The following GSK3B variants were observed in gnomAD, a reference collection of about 807,000 sequenced individuals.
The protein encoded by GSK3B is glycogen synthase kinase 3 beta, also known as glycogen synthase kinase-3 beta.
In GSK3B, 15 loss-of-function variants were observed where a neutral mutation model predicts 56.4. That is an observed-to-expected ratio of 0.27 (90% CI 0.18 to 0.41). GSK3B has a LOEUF of 0.41. GSK3B is among the 10% of genes least tolerant of loss of function. The probability of loss-of-function intolerance (pLI) is 1.00; values close to 1 mark genes in which losing one functional copy is unlikely to be tolerated. For missense variants in GSK3B, 300 were observed against 513.4 expected (o/e 0.58, Z 4.02); for synonymous variants, 181 against 188.9 (o/e 0.96, Z 0.34).
rs910480004 is a variant in GSK3B, at chr3:120,030,202, G to A, written c.89-27963C>T. The stretch of plus-strand genomic sequence containing the variant: ...GTTCCTTCCCTATCAGCTTCTAAAC[G>A]TTGGGGTTCTTCTAGGCTTGGTCCT... On this transcript the variant is annotated intron_variant, in intron 1 of 10. Transcript: ENST00000264235. Among the ~76,000 whole-genome samples the A allele has an allele frequency of 7.2e-5, 11 of 152,090 alleles. 1 individual carries two copies. The highest frequency in any genetic ancestry group is 1.0e-4 in the Non-Finnish European group (7 of 68,024).
intron 2 of GSK3B, among the ~76,000 whole-genome samples, chr3:120,000,449 G>T (rs1170801252): frequency 6.6e-6 from 1 of 152,174 alleles, no homozygotes; most frequent in Non-Finnish European, 1.5e-5. Flanking sequence ...AAATTCTTTA[G>T]AATGTTCCAG....
At chr3:120,002,790 T>C (rs778871666) in intron 1 of GSK3B, among the ~76,000 whole-genome samples, 7 of 152,204 alleles carry the variant, frequency 4.6e-5, no homozygotes, top group African/African-American at 1.7e-4. Context: ...CCCCATGAGG[T>C]AGACAGTACT....
chr3:119,988,720 C>A (rs966438064), intron 2 of GSK3B, among the ~76,000 whole-genome samples: 2 of 152,088 alleles, frequency 1.3e-5, no homozygotes, highest in African/African-American at 4.8e-5. Context: ...TTTGATAGTA[C>A]AAATCCAGGG....
At chr3:119,965,926 A>G (rs1382062464) in intron 2 of GSK3B, among the ~76,000 whole-genome samples, 2 of 152,228 alleles carry the variant, frequency 1.3e-5, no homozygotes, top group East Asian at 3.8e-4. Flanking sequence ...ATAAACAGTT[A>G]CTATGTTTAT....
At chr3:119,975,214 A>G (rs1299683335) in intron 2 of GSK3B, among the ~76,000 whole-genome samples, 1 of 152,216 alleles carries the variant, frequency 6.6e-6, no homozygotes. Context: ...TGGAAGGCCG[A>G]GGCAGGTGGA....
chr3:119,847,910 C>T lies in GSK3B; in HGVS notation c.1097-4557G>A, dbSNP rs78490565. Among the ~76,000 whole-genome samples the T allele has an allele frequency of 2.6e-3, 395 of 152,242 alleles. 2 individuals carry two copies. The highest frequency in any genetic ancestry group is 4.4e-3 in the Admixed American group (67 of 15,284). On this transcript the variant is annotated intron_variant, in intron 9 of 10. Transcript: ENST00000264235. ...CAACTGGATGTACTGACCAACCTATCCAACTGTTTATGAGCCAATGGCAGA... is the reference window on the plus strand; with the variant it reads ...CAACTGGATGTACTGACCAACCTATTCAACTGTTTATGAGCCAATGGCAGA...
intron 5 of GSK3B, 42 bp downstream of exon 5, chr3:119,916,002 G>A (rs199721887): frequency 2.9e-6 from 4 of 1,400,296 alleles, no homozygotes; most frequent in Admixed American, 1.8e-5. Flanking sequence ...GTAGGGGGAG[G>A]AGGGGAAAAG....
chr3:119,909,140 T>G (rs774664998), intron 6 of GSK3B, among the ~76,000 whole-genome samples: 4 of 152,122 alleles, frequency 2.6e-5, no homozygotes, highest in Non-Finnish European at 4.4e-5. Flanking sequence ...CACCTCATCC[T>G]CCCAAGTAGC....
intron 7 of GSK3B, among the ~76,000 whole-genome samples, chr3:119,888,339 A>T (rs189643987): frequency 1.5e-3 from 232 of 152,322 alleles, no homozygotes; most frequent in Middle Eastern, 3.4e-3. Flanking sequence ...GACATTTATC[A>T]GTTCCCAAAT....
chr3:119,830,054 A>C (rs1030743150), intron 10 of GSK3B, among the ~76,000 whole-genome samples: 2 of 152,236 alleles, frequency 1.3e-5, no homozygotes, highest in Non-Finnish European at 2.9e-5. Flanking sequence ...CAAAGTACAG[A>C]GAGGGAAAAA....
At chr3:119,986,664 G>A (rs555061664) in intron 2 of GSK3B, among the ~76,000 whole-genome samples, 24 of 152,204 alleles carry the variant, frequency 1.6e-4, no homozygotes, top group African/African-American at 3.9e-4. Context: ...AATGGCGGTC[G>A]TTAAAAAGTC....
Position 119,954,146 on chromosome 3 carries a change from C to T in GSK3B, c.283-6795G>A, listed in dbSNP as rs577534203. On this transcript the variant is annotated intron_variant, in intron 2 of 10. Coordinates refer to ENST00000264235, the MANE Select transcript of GSK3B (RefSeq NM_001146156.2). Reference sequence around the variant, plus strand: ...AGTAATTTCCCAGCTTCTGTAATTTCTTCTACTTTCCAACTTGGTGTTATT... The same window carrying T: ...AGTAATTTCCCAGCTTCTGTAATTTTTTCTACTTTCCAACTTGGTGTTATT... Among the ~76,000 whole-genome samples the T allele has an allele frequency of 6.6e-5, 10 of 152,152 alleles. No individual in the cohort carries two copies. The South Asian group carries it at 2.1e-3, about 32-fold the overall frequency.
intron 10 of GSK3B, among the ~76,000 whole-genome samples, chr3:119,832,694 A>G (rs2055622450): frequency 6.6e-6 from 1 of 152,242 alleles, no homozygotes; most frequent in Admixed American, 6.5e-5. Context: ...TGAAAAGTCT[A>G]TGGCTCTATG....
chr3:119,849,358 G>A (rs1056767959), intron 9 of GSK3B, among the ~76,000 whole-genome samples: 4 of 152,134 alleles, frequency 2.6e-5, no homozygotes, highest in Non-Finnish European at 4.4e-5. Context: ...GGCAAGAAAG[G>A]CAACCACTTA....
Position 119,920,071 on chromosome 3 carries a change from C to T in GSK3B, c.477+3302G>A, listed in dbSNP as rs967657060. On this transcript the variant is annotated intron_variant, in intron 4 of 10. Transcript: ENST00000264235. Reference sequence around the variant, plus strand: ...AGAGCAGAGGGAACAGAGATAAAAGCTGAACTTCTTTGAACATACCTTGTT... The same window carrying T: ...AGAGCAGAGGGAACAGAGATAAAAGTTGAACTTCTTTGAACATACCTTGTT... Among the ~76,000 whole-genome samples, 9 of 152,126 alleles carry T rather than the reference C, an allele frequency of 5.9e-5. No homozygotes were observed. In the East Asian group the frequency reaches 1.5e-3, roughly 26 times the overall value.
chr3:120,001,001 T>C (rs569712443), intron 2 of GSK3B, among the ~76,000 whole-genome samples: 27 of 140,014 alleles, frequency 1.9e-4, no homozygotes, highest in African/African-American at 6.8e-4. Flanking sequence ...CTCGGCTCAC[T>C]ACAAGCTCTG....
At chr3:119,826,975 CGT>C (rs2107992975) in intron 10 of GSK3B, 120 bp from the exon 11 acceptor site, 1 of 661,598 alleles carries the variant, frequency 1.5e-6, no homozygotes, top group Non-Finnish European at 2.7e-6. Context: ...TTATTTGGAA[CGT>C]TGTTTTAAAT....
At chr3:119,906,938 A>C (rs2056688486) in intron 6 of GSK3B, among the ~76,000 whole-genome samples, 2 of 152,102 alleles carry the variant, frequency 1.3e-5, no homozygotes, top group Admixed American at 6.6e-5. Flanking sequence ...ACATAGTATC[A>C]TTTAACAAAC....
chr3:120,057,108 G>A (rs143064389), intron 1 of GSK3B, among the ~76,000 whole-genome samples: 1 of 152,282 alleles, frequency 6.6e-6, no homozygotes, highest in Admixed American at 6.5e-5. Context: ...TCGTGCCACT[G>A]CACTCCCGCC....
Sources: gnomAD v4.1 joint callset for allele counts (sites outside exome capture counted in the v4.1 genomes callset) on GRCh38, gnomAD v4.1.1 for gene constraint, MANE v1.5 for transcripts, NCBI Gene and HGNC (gene_info 2026-07-23, HGNC 2026-07-21) for gene names.